CEP120: variants seen among roughly 807,000 people sequenced by gnomAD.
CEP120 encodes the protein centrosomal protein of 120 kDa.
In CEP120, 113 loss-of-function variants were observed where a neutral mutation model predicts 126.5. The ratio of observed to expected loss-of-function variants is 0.89; its 90% CI spans 0.77 to 1.04. CEP120 has a LOEUF of 1.04. Ranked by LOEUF, CEP120 falls within the 50% of genes least tolerant of loss-of-function variation. The probability of loss-of-function intolerance (pLI) is 0.00; values close to 1 mark genes in which losing one functional copy is unlikely to be tolerated. For missense variants in CEP120, 1,230 were observed against 1,155.7 expected (o/e 1.06, Z -0.93); for synonymous variants, 400 against 394.3 (o/e 1.01, Z -0.17).
chr5:123,423,159 G>T lies in CEP120; in HGVS notation c.-161C>A, dbSNP rs1037635009. On this transcript the variant is annotated 5_prime_UTR_variant, in exon 1 of 20. It adds an upstream start codon to the 5' untranslated region. Coordinates refer to ENST00000306467, the MANE Select transcript of CEP120 (RefSeq NM_001375405.1). ...CCAGGTCCCACCGCCGTCTGCTGCA[G>T]CGCGCCCGGCTCCTCTGCCTCGGGC... 2 of 631,914 alleles carry T rather than the reference G, an allele frequency of 3.2e-6. No individual in the cohort carries two copies. Among genetic ancestry groups the T allele is most frequent in the Non-Finnish European group, 2.8e-6 (1 of 355,790 alleles). The allele number at this position is 631,914 out of a possible 1,614,324, so 39.1% of individuals were successfully genotyped here.
At chr5:123,400,154 C>T (rs1158627475) in intron 4 of CEP120, among the ~76,000 whole-genome samples, 2 of 152,124 alleles carry the variant, frequency 1.3e-5, no homozygotes, top group African/African-American at 4.8e-5. Flanking sequence ...AAGAGTTGTG[C>T]TTACAGTAGC....
At position 123,422,389 on chromosome 5, in the gene CEP120, T is replaced by C. The variant is rs1774774146; in HGVS notation, c.49+561A>G. 7.5e-6 allele frequency: 7 copies of C among 939,546 alleles called. No homozygotes were observed. In the South Asian group the frequency reaches 8.7e-5, roughly 12 times the overall value. 58.2% of individuals were successfully genotyped at this position (939,546 alleles called of 1,614,324 possible). A position where few individuals can be genotyped will look rare whatever the true frequency, so the allele number is the denominator to read the frequency against. Reference sequence around the variant, plus strand: ...CCTTAGCTTTTTAGAATCAGGACTGTTTCATTCTTACATTCCCAGCACAGT... The same window carrying C: ...CCTTAGCTTTTTAGAATCAGGACTGCTTCATTCTTACATTCCCAGCACAGT... On this transcript the variant is annotated intron_variant, in intron 1 of 19. Coordinates refer to ENST00000306467, the MANE Select transcript of CEP120 (RefSeq NM_001375405.1).
intron 1 of CEP120, among the ~76,000 whole-genome samples, chr5:123,421,213 C>T (rs1404075410): frequency 6.6e-6 from 1 of 152,212 alleles, no homozygotes; most frequent in Non-Finnish European, 1.5e-5. Context: ...TCATTTCTTA[C>T]CATGACATTT....
In CEP120 at chr5:123,367,025, C is replaced by A. The variant is rs1770514563; in HGVS notation, c.2482-2431G>T. On this transcript the variant is annotated intron_variant, in intron 17 of 19. Coordinates refer to ENST00000306467, the MANE Select transcript of CEP120 (RefSeq NM_001375405.1). The stretch of plus-strand genomic sequence containing the variant: ...TCTACCTCTACATGAAGCTGTCTTA[C>A]AACTACTAGATTCCGAACGCCAAAT... 2.0e-5 allele frequency among the ~76,000 whole-genome samples: 3 copies of A among 151,838 alleles called. No individual in the cohort carries two copies. In the Admixed American group the frequency reaches 2.0e-4, roughly 10 times the overall value.
At chr5:123,355,876 A>G (rs78716559) in intron 18 of CEP120, among the ~76,000 whole-genome samples, 102,247 of 144,520 alleles carry the variant, frequency 0.71, 36,433 homozygotes, top group African/African-American at 0.74. Flanking sequence ...GAATGGTATT[A>G]CCTAGGTTTT....
At chr5:123,416,676 T>C (rs1224266806) in intron 2 of CEP120, among the ~76,000 whole-genome samples, 11 of 152,180 alleles carry the variant, frequency 7.2e-5, no homozygotes, top group Admixed American at 7.2e-4. Context: ...CATGTCAACA[T>C]ATTTTACATT....
At chr5:123,395,373 G>A (rs1277879459) in intron 5 of CEP120, among the ~76,000 whole-genome samples, 2 of 152,142 alleles carry the variant, frequency 1.3e-5, no homozygotes, top group East Asian at 1.9e-4. Context: ...CATCTGAAAA[G>A]GTTTGTAAAT....
At chr5:123,384,338 T>G (rs1315142353) in intron 11 of CEP120, among the ~76,000 whole-genome samples, 1 of 152,054 alleles carries the variant, frequency 6.6e-6, no homozygotes, top group Non-Finnish European at 1.5e-5. Flanking sequence ...GCATATGATA[T>G]ATAATGTTAA....
intron 9 of CEP120, among the ~76,000 whole-genome samples, chr5:123,388,113 T>A (rs995908842): frequency 3.2e-5 from 4 of 124,776 alleles, no homozygotes; most frequent in African/African-American, 1.2e-4. Context: ...AAAGCACTTT[T>A]CAAGTTTAAG....
intron 5 of CEP120, among the ~76,000 whole-genome samples, chr5:123,398,356 A>G (rs1772941121): frequency 6.6e-6 from 1 of 152,164 alleles, no homozygotes; most frequent in African/African-American, 2.4e-5. Context: ...ACATTCTTGC[A>G]GAGTATGGCA....
chr5:123,364,437 C>T (rs537557602), intron 18 of CEP120, 59 bp downstream of exon 18: 26 of 1,140,130 alleles, frequency 2.3e-5, no homozygotes, highest in South Asian at 3.0e-5. Context: ...GCCAAACATA[C>T]GAATTTGCAA....
chr5:123,391,051 G>GT, intron 7 of CEP120, 59 bp downstream of exon 7: 1 of 1,261,860 alleles, frequency 7.9e-7, no homozygotes, highest in Non-Finnish European at 1.1e-6. Flanking sequence ...TTCAACTTTT[G>GT]TAAGTAATCA....
intron 4 of CEP120, among the ~76,000 whole-genome samples, chr5:123,407,785 G>A (rs368600161): frequency 2.0e-5 from 3 of 152,114 alleles, no homozygotes; most frequent in Non-Finnish European, 2.9e-5. Flanking sequence ...TCAAGCTTAC[G>A]TAGAAAGTTC....
chr5:123,401,545 C>T (rs1188838058), intron 4 of CEP120: 5 of 1,325,998 alleles, frequency 3.8e-6, no homozygotes, highest in Non-Finnish European at 5.4e-6. Context: ...TCTCCTCGTA[C>T]TGTGCCTTGA....
In CEP120 at chr5:123,377,355, G is replaced by T; in HGVS notation, c.2358+19C>A. 1 of 1,597,254 alleles carries T rather than the reference G, an allele frequency of 6.3e-7. No individual in the cohort carries two copies. Among genetic ancestry groups the T allele is most frequent in the South Asian group, 1.1e-5 (1 of 86,976 alleles). The stretch of plus-strand genomic sequence containing the variant: ...GCAAATAAACTAAGCATAAAAAGAT[G>T]ACAAGTACGTTATCCAACCTGTTGC... On this transcript the variant is annotated intron_variant, in intron 16 of 19. Coordinates refer to ENST00000306467, the MANE Select transcript of CEP120 (RefSeq NM_001375405.1).
At chr5:123,356,429 G>A (rs1325328489) in intron 18 of CEP120, among the ~76,000 whole-genome samples, 1 of 151,948 alleles carries the variant, frequency 6.6e-6, no homozygotes, top group Non-Finnish European at 1.5e-5. Context: ...TTATATTTAA[G>A]GTGTACCTCT....
In CEP120 at chr5:123,346,669, C is replaced by T. The variant is rs1768843627; in HGVS notation, c.2811G>A (p.Leu937=). The T allele has an allele frequency of 1.2e-6, 2 of 1,613,752 alleles. No homozygotes were observed. The highest frequency in any genetic ancestry group is 1.7e-6 in the Non-Finnish European group (2 of 1,179,926). The change falls in exon 20 of 20, where the codon TTG becomes TTA. Residue 937 remains leucine, a synonymous_variant. Coordinates refer to ENST00000306467, the MANE Select transcript of CEP120 (RefSeq NM_001375405.1). Reference sequence around the variant, plus strand: ...TCAAATAATCATCCAAACCTTCTTCCAATACACTGCCATGGGGGCCATCCT... The same window carrying T: ...TCAAATAATCATCCAAACCTTCTTCTAATACACTGCCATGGGGGCCATCCT... The part of the protein sequence containing the change: ...GKKDGPHGSV[L]EEGLDDYLTR...
chr5:123,389,626 G>A (rs1483626019), intron 8 of CEP120, among the ~76,000 whole-genome samples: 1 of 151,960 alleles, frequency 6.6e-6, no homozygotes, highest in African/African-American at 2.4e-5. Context: ...TCAGCCTCCC[G>A]AGTAGCTGGG....
chr5:123,416,824 C>CA (rs1448629605), intron 2 of CEP120, among the ~76,000 whole-genome samples: 2 of 151,892 alleles, frequency 1.3e-5, no homozygotes, highest in Non-Finnish European at 2.9e-5. Context: ...CATAAAATTA[C>CA]AAATACAAAT....
Sources: gnomAD v4.1 joint callset for allele counts (sites outside exome capture counted in the v4.1 genomes callset) on GRCh38, gnomAD v4.1.1 for gene constraint, MANE v1.5 for transcripts, NCBI Gene and HGNC (gene_info 2026-07-23, HGNC 2026-07-21) for gene names.